The following DPP4 variants were observed in gnomAD, a reference collection of about 807,000 sequenced individuals.
DPP4 encodes the protein ADCP-2.
In DPP4, 93 loss-of-function variants were observed where a neutral mutation model predicts 122.4. The ratio of observed to expected loss-of-function variants is 0.76; its 90% CI spans 0.64 to 0.90. The LOEUF (loss-of-function observed/expected upper bound fraction) is 0.90. Among genes scored for constraint, DPP4 ranks in the 40% least tolerant of loss-of-function variants. The pLI is 0.00. For missense variants in DPP4, 914 were observed against 907.3 expected (o/e 1.01, Z -0.09); for synonymous variants, 321 against 302.9 (o/e 1.06, Z -0.62).
intron 15 of DPP4, 104 bp downstream of exon 15, chr2:162,019,119 T>G (rs1285882637): frequency 9.5e-6 from 10 of 1,052,408 alleles, no homozygotes; most frequent in Non-Finnish European, 1.3e-5. Context: ...TCAATAGCAA[T>G]ACCAGTTTAA....
chr2:162,033,527 G>C lies in DPP4; in HGVS notation c.887+14C>G, dbSNP rs1683640012. The C allele has an allele frequency of 1.9e-6, 3 of 1,593,002 alleles. No individual in the cohort carries two copies. The highest frequency in any genetic ancestry group is 2.6e-6 in the Non-Finnish European group (3 of 1,166,260). On this transcript the variant is annotated intron_variant, in intron 10 of 25. Coordinates refer to ENST00000360534, the MANE Select transcript of DPP4 (RefSeq NM_001935.4). ...AACTGTTTACAAGCCAAGCATTCAG[G>C]ACAAGAGTCTTACCCTATCAACATA... is the stretch of plus-strand genomic sequence containing the variant.
chr2:162,019,331 G>A (rs1683038442), intron 14 of DPP4, 55 bp from the exon 15 acceptor site: 2 of 1,262,986 alleles, frequency 1.6e-6, no homozygotes, highest in Non-Finnish European at 2.2e-6. Context: ...AGAAGTCAGA[G>A]GCGATCCACC....
chr2:162,005,598 A>G lies in DPP4; in HGVS notation c.2052+147T>C, dbSNP rs140792582. 8.4e-5 allele frequency: 54 copies of G among 641,328 alleles called. No homozygotes were observed. In the African/African-American group the frequency reaches 9.5e-4, roughly 11 times the overall value. The allele number at this position is 641,328 out of a possible 1,614,324, so 39.7% of individuals were successfully genotyped here. On this transcript the variant is annotated intron_variant, in intron 23 of 25. Transcript: ENST00000360534. ...AGAATACAGTAAGGGAAGCTATTGGAGTATCTCTAAACCACCTGTGTTATT... is the reference window on the plus strand; with the variant it reads ...AGAATACAGTAAGGGAAGCTATTGGGGTATCTCTAAACCACCTGTGTTATT...
intron 19 of DPP4, among the ~76,000 whole-genome samples, chr2:162,012,712 A>C (rs1027294239): frequency 4.6e-5 from 7 of 151,980 alleles, no homozygotes; most frequent in African/African-American, 1.7e-4. Context: ...TCTGCTTGTT[A>C]ATCAAGAGGA....
intron 10 of DPP4, among the ~76,000 whole-genome samples, chr2:162,026,213 C>A (rs1010763270): frequency 1.3e-5 from 2 of 152,106 alleles, no homozygotes; most frequent in Non-Finnish European, 2.9e-5. Flanking sequence ...CTGGATAAAG[C>A]CCTTTAAGCC....
chr2:162,051,396 ACT>A (rs1441379027), intron 2 of DPP4, among the ~76,000 whole-genome samples: 4 of 152,208 alleles, frequency 2.6e-5, no homozygotes, highest in Non-Finnish European at 5.9e-5. Context: ...TTCATACTAA[ACT>A]TTTTTGTCTG....
At chr2:162,031,736 G>A (rs753540962) in intron 10 of DPP4, among the ~76,000 whole-genome samples, 3 of 151,990 alleles carry the variant, frequency 2.0e-5, no homozygotes, top group East Asian at 1.9e-4. Context: ...TCTATTGCTC[G>A]TATCTCTCTT....
chr2:162,051,967 A>C (rs61265379), intron 2 of DPP4, among the ~76,000 whole-genome samples: 5,968 of 152,186 alleles, frequency 0.039, 268 homozygotes, highest in African/African-American at 0.1. Flanking sequence ...ACCTTAATAT[A>C]CATTGTGGTA....
intron 11 of DPP4, 38 bp from the exon 12 acceptor site, chr2:162,022,837 G>T (rs758687237): frequency 1.2e-6 from 2 of 1,605,722 alleles, no homozygotes; most frequent in Non-Finnish European, 1.7e-6. Context: ...ATTTCAAAGA[G>T]AAGTCAGATG....
intron 24 of DPP4, 105 bp from the exon 25 acceptor site, chr2:161,995,139 G>A: frequency 7.2e-7 from 1 of 1,388,850 alleles, no homozygotes; most frequent in Non-Finnish European, 1.0e-6. Flanking sequence ...TGAAGTTCTA[G>A]GACTCAGCAT....
In DPP4 at chr2:162,035,241, C is replaced by T; in HGVS notation, c.697G>A (p.Val233Ile). ...LAYAQFNDTE[V>I]PLIEYSFYSD... ...TAGAAGGAGTATTCAATAAGTGGGACTTCTGTGTCGTTAAATTGGGCATAT... is the reference window on the plus strand; with the variant it reads ...TAGAAGGAGTATTCAATAAGTGGGATTTCTGTGTCGTTAAATTGGGCATAT... The change falls in exon 9 of 26, where the codon GTC (valine) becomes ATC (isoleucine). Residue 233 changes from valine (V) to isoleucine (I), a missense_variant. Transcript: ENST00000360534. 1 of 1,614,036 alleles carries T rather than the reference C, an allele frequency of 6.2e-7. No homozygotes were observed. The highest frequency in any genetic ancestry group is 1.3e-5 in the African/African-American group (1 of 75,010).
chr2:162,009,153 C>A, intron 21 of DPP4, 88 bp downstream of exon 21: 1 of 1,374,712 alleles, frequency 7.3e-7, no homozygotes. Flanking sequence ...ATTTTCACCT[C>A]CAAATATGTA....
At chr2:162,053,191 G>A (rs1684443527) in intron 2 of DPP4, among the ~76,000 whole-genome samples, 1 of 152,216 alleles carries the variant, frequency 6.6e-6, no homozygotes, top group Non-Finnish European at 1.5e-5. Flanking sequence ...GCCAAGCAAT[G>A]TTTAAGTTTA....
At chr2:162,029,553 T>C (rs1358738471) in intron 10 of DPP4, among the ~76,000 whole-genome samples, 2 of 152,238 alleles carry the variant, frequency 1.3e-5, no homozygotes, top group Non-Finnish European at 2.9e-5. Context: ...GGTCCTAATG[T>C]GCAGATGTCA....
chr2:162,034,837 TGA>T (rs1401074875), intron 9 of DPP4, among the ~76,000 whole-genome samples: 1 of 152,198 alleles, frequency 6.6e-6, no homozygotes, highest in Non-Finnish European at 1.5e-5. Flanking sequence ...CTTCTACAAA[TGA>T]GACGAGCTTC....
At chr2:162,059,074 C>T (rs984191633) in intron 2 of DPP4, among the ~76,000 whole-genome samples, 4 of 152,112 alleles carry the variant, frequency 2.6e-5, no homozygotes, top group Admixed American at 6.5e-5. Flanking sequence ...TTCATCTTAA[C>T]CCAAATATGA....
In DPP4 at chr2:162,073,968, G is replaced by T; in HGVS notation, c.6+8C>A. 2 of 1,611,704 alleles carry T rather than the reference G, an allele frequency of 1.2e-6. No homozygotes were observed. The highest frequency in any genetic ancestry group is 1.7e-6 in the Non-Finnish European group (2 of 1,178,924). On this transcript the variant is annotated splice_region_variant and intron_variant, in intron 1 of 25. Transcript: ENST00000360534. The stretch of plus-strand genomic sequence containing the variant: ...TCGCCCCGGGGACGTACGTGGCGCG[G>T]CACTCACCTTCATCGTCGGCGTCTC...
chr2:162,039,768 T>A (rs796276664), intron 5 of DPP4, among the ~76,000 whole-genome samples: 36 of 152,022 alleles, frequency 2.4e-4, no homozygotes, highest in Middle Eastern at 3.4e-3. Context: ...AATTTTTTTT[T>A]AAAAAGGAAG....
chr2:162,057,962 G>A (rs150882622), intron 2 of DPP4, among the ~76,000 whole-genome samples: 1,755 of 152,120 alleles, frequency 0.012, 23 homozygotes, highest in East Asian at 0.038. Flanking sequence ...TAGTAGGGAC[G>A]GGGTTTCACC....
Sources: allele counts gnomAD v4.1 joint callset (sites outside exome capture counted in the v4.1 genomes callset), GRCh38; gene constraint gnomAD v4.1.1; transcripts MANE v1.5; gene names NCBI Gene and HGNC (gene_info 2026-07-23, HGNC 2026-07-21).